The following C16orf92 variants were observed in gnomAD, a reference collection of about 807,000 sequenced individuals.
C16orf92 encodes fertilization-influencing membrane protein 1.
In C16orf92, 14 loss-of-function variants were observed where a neutral mutation model predicts 13.7. That is an observed-to-expected ratio of 1.02 (90% confidence interval 0.67 to 1.60). The LOEUF (loss-of-function observed/expected upper bound fraction) is 1.60. C16orf92 is among the 40% of genes most tolerant of loss of function. The probability of loss-of-function intolerance (pLI) is 0.00; values close to 1 mark genes in which losing one functional copy is unlikely to be tolerated. For synonymous variants in C16orf92, 50 were observed against 57.4 expected (o/e 0.87, Z 0.58); for missense variants, 116 against 139.0 (o/e 0.83, Z 0.83).
chr16:30,027,207 T>C (rs1359582392), downstream of C16orf92: 1 of 463,896 alleles, frequency 2.2e-6, no homozygotes, highest in Admixed American at 2.3e-5. Context: ...GTCCTAACCT[T>C]ACCATGAGGT....
downstream of C16orf92, chr16:30,025,752 C>A (rs200718073): frequency 1.9e-6 from 3 of 1,614,134 alleles, no homozygotes; most frequent in Non-Finnish European, 2.5e-6. The surrounding 1 kb of genome is among the most constrained non-coding windows in gnomAD (Gnocchi z 4.1). Flanking sequence ...CCAAGGCAGA[C>A]GAAGGGCGTG....
rs753593068 is a variant in C16orf92 at position 30,023,752 on chromosome 16, G to A, written c.90G>A (p.Ala30=). The A allele has an allele frequency of 1.9e-5, 30 of 1,613,848 alleles. 1 individual carries two copies. The highest frequency in any genetic ancestry group is 1.5e-4 in the Admixed American group (9 of 59,998). Residue 30 remains alanine (A), a synonymous_variant, in exon 2 of 4, where the codon GCG becomes GCA. Transcript: ENST00000681219. ...CACCCAGACCCAAGCGTGCCACGGC[G>A]TCAGCCCTGGGGACAGAGTCTCCGC... The part of the protein sequence containing the change: ...ETAPRPKRAT[A]SALGTESPRF...
chr16:30,023,319 C>T lies in C16orf92; in HGVS notation c.-22C>T. 1 of 1,584,972 alleles carries T rather than the reference C, an allele frequency of 6.3e-7. No individual in the cohort carries two copies. The highest frequency in any genetic ancestry group is 1.1e-5 in the South Asian group (1 of 87,104). Reference sequence around the variant, plus strand: ...AGCTCTGGGCTGTGACATCACAGAGCCCCCACCTCATGATAGGAGTCATGA... The same window carrying T: ...AGCTCTGGGCTGTGACATCACAGAGTCCCCACCTCATGATAGGAGTCATGA... On this transcript the variant is annotated 5_prime_UTR_variant, in exon 1 of 4. Coordinates refer to ENST00000681219, the MANE Select transcript of C16orf92 (RefSeq NM_001109659.2).
At chr16:30,025,209 G>A (rs1358746856), downstream of C16orf92, 2 of 1,492,710 alleles carry the variant, frequency 1.3e-6, no homozygotes, top group South Asian at 2.7e-5. The surrounding 1 kb of genome is among the most constrained non-coding windows in gnomAD (Gnocchi z 4.1). Context: ...CAGGCCGGGG[G>A]CGGCCGGGAG....
Position 30,023,576 on chromosome 16 carries a change from T to A in C16orf92, c.65-151T>A. On this transcript the variant is annotated intron_variant, in intron 1 of 3. Transcript: ENST00000681219. Reference sequence around the variant, plus strand: ...CCAACAACCGCGAGCCTTGTCGTGGTGCACCCAGCTGACCCTGAGGGAAAT... The same window carrying A: ...CCAACAACCGCGAGCCTTGTCGTGGAGCACCCAGCTGACCCTGAGGGAAAT... 13 of 1,480,234 alleles carry A rather than the reference T, an allele frequency of 8.8e-6. 2 individuals are homozygous for A. The South Asian group carries it at 1.6e-4, about 18-fold the overall frequency. The allele number at this position is 1,480,234 out of a possible 1,614,324, so 91.7% of individuals were successfully genotyped here.
At chr16:30,024,116 C>A in intron 3 of C16orf92, 30 bp downstream of exon 3, 1 of 1,607,966 alleles carries the variant, frequency 6.2e-7, no homozygotes, top group East Asian at 2.2e-5. Flanking sequence ...TCCAACCCCA[C>A]CCACCACCAC....
chr16:30,024,135 G>A lies in C16orf92; in HGVS notation c.311+49G>A, dbSNP rs1382457180. The A allele has an allele frequency of 3.1e-6, 5 of 1,608,504 alleles. No individual in the cohort carries two copies. In the South Asian group the frequency reaches 5.5e-5, roughly 18 times the overall value. ...ACCCCACCCACCACCACCTTCCTTG[G>A]GAGCGGCTGAAGACCCCAGTTCTAG... is the stretch of plus-strand genomic sequence containing the variant. On this transcript the variant is annotated intron_variant, in intron 3 of 3. Transcript: ENST00000681219.
chr16:30,025,632 C>T (rs966548166), downstream of C16orf92: 22 of 1,486,046 alleles, frequency 1.5e-5, no homozygotes, highest in Admixed American at 5.0e-5. This position sits in a 1 kb window ranked among gnomAD's most constrained non-coding sequence, Gnocchi z 4.1. Context: ...GGGGGGATGA[C>T]GAAGGGGCTA....
chr16:30,025,888 T>C, downstream of C16orf92: 1 of 1,239,674 alleles, frequency 8.1e-7, no homozygotes, highest in South Asian at 1.2e-5. This position sits in a 1 kb window ranked among gnomAD's most constrained non-coding sequence, Gnocchi z 4.1. Flanking sequence ...CCCCCGCCCT[T>C]CCTCTTTCCC....
chr16:30,026,818 GC>G (rs2150976700), downstream of C16orf92: 1 of 1,614,140 alleles, frequency 6.2e-7, no homozygotes. Context: ...ACAGCAAATT[GC>G]GTGTAGGCAG....
In C16orf92 at chr16:30,024,086, T is replaced by G. The variant is rs569136208; in HGVS notation, c.311T>G (p.Ile104Arg). The change falls in exon 3 of 4, where the codon ATA becomes AGA. Residue 104 changes from isoleucine to arginine, a missense_variant and splice_region_variant. Physicochemically the swap from Ile to Arg is moderately conservative, Grantham distance 97 (BLOSUM62 -3). Transcript: ENST00000681219. ...CTCCTTTTCCAGTTCTGCACCCACA[T>G]GTAAGGCCTGCCCCCTTTCTCCAAC... is the stretch of plus-strand genomic sequence containing the variant. ...FFLLFQFCTHINFQKGA is the reference protein window; with the variant it reads ...FFLLFQFCTHRNFQKGA The G allele has an allele frequency of 6.2e-7, 1 of 1,612,262 alleles. No individual in the cohort carries two copies. The highest frequency in any genetic ancestry group is 1.3e-5 in the African/African-American group (1 of 74,972).
downstream of C16orf92, chr16:30,027,570 C>G (rs950343509): frequency 2.2e-6 from 1 of 455,944 alleles, no homozygotes; most frequent in Non-Finnish European, 4.4e-6. Context: ...CCAAAGTCAC[C>G]CAATCTCTTG....
In C16orf92 at chr16:30,024,221, G is replaced by A; in HGVS notation, c.327G>A (p.Gly109=). ...TGCCCCACAGAAACTTCCAGAAAGGGGCCTAAAGAGCCGGACAAGGGCTCT... is the reference window on the plus strand; with the variant it reads ...TGCCCCACAGAAACTTCCAGAAAGGAGCCTAAAGAGCCGGACAAGGGCTCT... ...QFCTHINFQK[G]A Residue 109 remains glycine (G), a synonymous_variant, in exon 4 of 4, where the codon GGG becomes GGA. Transcript: ENST00000681219. 1 of 1,614,040 alleles carries A rather than the reference G, an allele frequency of 6.2e-7. No individual in the cohort carries two copies. The highest frequency in any genetic ancestry group is 8.5e-7 in the Non-Finnish European group (1 of 1,179,962).
chr16:30,027,300 G>A, downstream of C16orf92: 1 of 400,094 alleles, frequency 2.5e-6, no homozygotes, highest in Non-Finnish European at 5.0e-6. Flanking sequence ...TCCTGGGACA[G>A]GCGATCTTCC....
rs140679582 is a variant in C16orf92 at position 30,024,412 on chromosome 16, T to C, written c.*185T>C. On this transcript the variant is annotated 3_prime_UTR_variant, in exon 4 of 4. Coordinates refer to ENST00000681219, the MANE Select transcript of C16orf92 (RefSeq NM_001109659.2). ...CCCTTCCCAGCCCCAAAGAACTTGG[T>C]GGCAAGGGCCTTGGTGGCGTTCACG... 8.9e-5 allele frequency: 73 copies of C among 816,678 alleles called. No individual in the cohort carries two copies. The highest frequency in any genetic ancestry group is 1.3e-4 in the Non-Finnish European group (70 of 531,238). The allele number at this position is 816,678 out of a possible 1,614,324, so 50.6% of individuals were successfully genotyped here.
downstream of C16orf92, chr16:30,025,964 T>G (rs1179369021): frequency 1.4e-5 from 9 of 660,452 alleles, no homozygotes; most frequent in Non-Finnish European, 2.4e-5. The surrounding 1 kb of genome is among the most constrained non-coding windows in gnomAD (Gnocchi z 4.1). Context: ...CTGGGTGCAG[T>G]GGCTCACGCC....
downstream of C16orf92, chr16:30,027,580 G>A: frequency 2.2e-6 from 1 of 456,070 alleles, no homozygotes; most frequent in East Asian, 6.9e-5. Flanking sequence ...CCAATCTCTT[G>A]TCTATTTTGT....
chr16:30,026,879 G>A (rs200852772), downstream of C16orf92: 24 of 1,570,754 alleles, frequency 1.5e-5, no homozygotes, highest in East Asian at 4.0e-4. Context: ...GGAGCAAGGA[G>A]GAAAGGGGAC....
In C16orf92 at chr16:30,023,274, C is replaced by T; in HGVS notation, c.-67C>T. 7.0e-7 allele frequency: 1 copy of T among 1,437,978 alleles called. No homozygotes were observed. Among genetic ancestry groups the T allele is most frequent in the East Asian group, 2.4e-5 (1 of 41,002 alleles). The allele number at this position is 1,437,978 out of a possible 1,614,324, so 89.1% of individuals were successfully genotyped here. On this transcript the variant is annotated 5_prime_UTR_variant, in exon 1 of 4. Coordinates refer to ENST00000681219, the MANE Select transcript of C16orf92 (RefSeq NM_001109659.2). ...CAGCTCCTAGCACTTTCTCCCCTCA[C>T]CCCAAAGTGCCATCAGAACAGCTCT... is the stretch of plus-strand genomic sequence containing the variant.
Sources: allele counts gnomAD v4.1 joint callset, GRCh38; gene constraint gnomAD v4.1.1; non-coding constraint Gnocchi (gnomAD v3.1); transcripts MANE v1.5; gene names NCBI Gene and HGNC (gene_info 2026-07-23, HGNC 2026-07-21).